Variants in SMPX observed in about 807,000 individuals in gnomAD.
The protein encoded by SMPX is small muscle protein X-linked.
In SMPX, 2 loss-of-function variants were observed where a neutral mutation model predicts 6.3. The observed-to-expected ratio is 0.32, with a 90% CI of 0.13 to 0.99. SMPX has a LOEUF of 0.99. SMPX is among the 50% of genes least tolerant of loss of function. SMPX has a pLI of 0.49. For synonymous variants in SMPX, 32 were observed against 24.7 expected (o/e 1.30, Z -0.88); for missense variants, 60 against 66.8 (o/e 0.90, Z 0.36).
intron 4 of SMPX, among the ~76,000 whole-genome samples, chrX:21,729,740 G>A (rs1228095918): frequency 9.0e-6 from 1 of 111,311 alleles, no homozygotes; most frequent in South Asian, 3.8e-4. Context: ...AAAAGCTCTC[G>A]CACCAATTCC....
At chrX:21,719,245 C>A (rs993779544) in intron 4 of SMPX, among the ~76,000 whole-genome samples, 1 of 111,763 alleles carries the variant, frequency 8.9e-6, no homozygotes, top group Non-Finnish European at 1.9e-5. Flanking sequence ...AGAGGCCGGG[C>A]GCAGTGGCTC....
chrX:21,754,717 G>A (rs183662673), intron 1 of SMPX, among the ~76,000 whole-genome samples: 2 of 112,142 alleles, frequency 1.8e-5, no homozygotes, highest in African/African-American at 6.5e-5. Flanking sequence ...TAATTGCCAG[G>A]GTTGCTATAG....
At chrX:21,720,362 G>C (rs1013315012) in intron 4 of SMPX, among the ~76,000 whole-genome samples, 1 of 112,226 alleles carries the variant, frequency 8.9e-6, no homozygotes, top group African/African-American at 3.2e-5. Flanking sequence ...AGTGATGTGA[G>C]TGAGCCATCC....
chrX:21,719,380 T>G (rs1602100339), intron 4 of SMPX, among the ~76,000 whole-genome samples: 3 of 110,167 alleles, frequency 2.7e-5, no homozygotes, highest in Admixed American at 9.7e-5. Context: ...TAGCCGGATG[T>G]GGTGACGCAC....
chrX:21,750,768 T>A (rs779120830), intron 2 of SMPX, among the ~76,000 whole-genome samples: 2 of 112,105 alleles, frequency 1.8e-5, no homozygotes, highest in South Asian at 7.6e-4. Flanking sequence ...TTAAGGGTGG[T>A]TCTAGTTCTG....
At chrX:21,748,732 T>C (rs948964803) in intron 2 of SMPX, among the ~76,000 whole-genome samples, 1 of 112,239 alleles carries the variant, frequency 8.9e-6, no homozygotes, top group African/African-American at 3.2e-5. Context: ...AGATCCATGA[T>C]CAACGAAAAG....
intron 4 of SMPX, among the ~76,000 whole-genome samples, chrX:21,714,987 A>T (rs2092782642): frequency 9.0e-6 from 1 of 111,036 alleles, no homozygotes. Context: ...ATTATTGAGA[A>T]TTTGAGGGAT....
intron 2 of SMPX, among the ~76,000 whole-genome samples, chrX:21,748,659 T>A (rs2092824081): frequency 8.9e-6 from 1 of 112,278 alleles, no homozygotes; most frequent in East Asian, 2.8e-4. Context: ...CTTAATACAC[T>A]TAAAAGAAAC....
At position 21,731,450 on chromosome X, in the gene SMPX, CACATAATGTGTGTATGTGT is replaced by C. The variant is rs1569306465; in HGVS notation, c.*14+6080_*14+6098del. On this transcript the variant is annotated intron_variant, in intron 4 of 4. Transcript: ENST00000379494. ...ATATATGTGTGTATGTGTACACATA[CACATAATGTGTGTATGTGT>C]ACACATACACATTATGTGTGTATGT... Among the ~76,000 whole-genome samples, 6 of 89,207 alleles carry C rather than the reference CACATAATGTGTGTATGTGT, an allele frequency of 6.7e-5. No homozygotes were observed. The South Asian group carries it at 3.6e-3, about 54-fold the overall frequency. 77.5% of individuals were successfully genotyped at this position (89,207 alleles called of 115,157 possible).
At chrX:21,736,385 T>C (rs1049472400) in intron 4 of SMPX, among the ~76,000 whole-genome samples, 4 of 111,784 alleles carry the variant, frequency 3.6e-5, no homozygotes, top group African/African-American at 9.8e-5. Context: ...GAGGAAGGGA[T>C]TGAAGCAATA....
chrX:21,716,618 C>G (rs1313927130), intron 4 of SMPX, among the ~76,000 whole-genome samples: 1 of 112,411 alleles, frequency 8.9e-6, no homozygotes, highest in Non-Finnish European at 1.9e-5. Flanking sequence ...CCACAAAAAG[C>G]TTATAAATTA....
chrX:21,737,520 T>C, intron 4 of SMPX, 29 bp downstream of exon 4: 1 of 1,182,396 alleles, frequency 8.5e-7, no homozygotes, highest in Non-Finnish European at 1.1e-6. Flanking sequence ...GAGGACTTTT[T>C]GAGACAAAGA....
At chrX:21,712,506 A>C (rs781219010) in intron 4 of SMPX, among the ~76,000 whole-genome samples, 1 of 111,429 alleles carries the variant, frequency 9.0e-6, no homozygotes, top group Non-Finnish European at 1.9e-5. Flanking sequence ...ATATCAACTC[A>C]GAGTTAGGGG....
intron 2 of SMPX, among the ~76,000 whole-genome samples, chrX:21,751,229 A>G (rs774604802): frequency 9.8e-5 from 11 of 112,399 alleles, no homozygotes; most frequent in Non-Finnish European, 2.1e-4. Flanking sequence ...CTTGGAAATA[A>G]CTTGATGCCA....
intron 3 of SMPX, among the ~76,000 whole-genome samples, chrX:21,742,668 TCTC>T (rs2092817270): frequency 1.8e-5 from 2 of 111,429 alleles, no homozygotes; most frequent in Non-Finnish European, 3.8e-5. Context: ...ATACTCCCCA[TCTC>T]CTCCTTTCAA....
At chrX:21,719,160 C>T (rs748126659) in intron 4 of SMPX, among the ~76,000 whole-genome samples, 1 of 111,982 alleles carries the variant, frequency 8.9e-6, no homozygotes, top group Admixed American at 9.4e-5. Flanking sequence ...AGTTTTCCCT[C>T]CCGTTAGTTG....
intron 4 of SMPX, among the ~76,000 whole-genome samples, chrX:21,718,413 A>T (rs1367353528): frequency 3.6e-5 from 4 of 112,186 alleles, no homozygotes; most frequent in Non-Finnish European, 7.5e-5. Flanking sequence ...CTCCTCACTG[A>T]AGCATTTCAG....
In SMPX at chrX:21,754,636, T is replaced by A. The variant is rs3213453; in HGVS notation, c.-12-334A>T. On this transcript the variant is annotated intron_variant, in intron 1 of 4. Coordinates refer to ENST00000379494, the MANE Select transcript of SMPX (RefSeq NM_014332.3). ...CAAGAGCAGCAAAGCAAAGAGGTTG[T>A]GGGAATAAAACACCTTTGTTCCGGG... Among the ~76,000 whole-genome samples the A allele has an allele frequency of 1.5e-3, 164 of 112,377 alleles. 5 individuals are homozygous for A. In the East Asian group the frequency reaches 0.037, roughly 25 times the overall value.
At chrX:21,756,347 A>G (rs1209263525) in intron 1 of SMPX, among the ~76,000 whole-genome samples, 1 of 112,369 alleles carries the variant, frequency 8.9e-6, no homozygotes, top group Non-Finnish European at 1.9e-5. Context: ...GATTTAACTT[A>G]CTACTGGATT....
Sources: allele counts gnomAD v4.1 joint callset (sites outside exome capture counted in the v4.1 genomes callset), GRCh38; gene constraint gnomAD v4.1.1; transcripts MANE v1.5; gene names NCBI Gene and HGNC (gene_info 2026-07-23, HGNC 2026-07-21).